The following LSAMP variants were observed in gnomAD, a reference collection of about 807,000 sequenced individuals.
The protein encoded by LSAMP is limbic system associated membrane protein, also known as limbic system-associated membrane protein.
LSAMP carries 7 observed loss-of-function variants against 38.6 expected under a neutral mutation model. The ratio of observed to expected loss-of-function variants is 0.18; its 90% confidence interval spans 0.10 to 0.34. The LOEUF is 0.34. LSAMP is among the 10% of genes least tolerant of loss of function. The pLI is 1.00. For synonymous variants in LSAMP, 154 were observed against 166.8 expected (o/e 0.92, Z 0.59); for missense variants, 313 against 420.0 (o/e 0.75, Z 2.23).
chr3:116,405,609 T>A (rs1273482505), intron 1 of LSAMP, among the ~76,000 whole-genome samples: 1 of 152,002 alleles, frequency 6.6e-6, no homozygotes, highest in Non-Finnish European at 1.5e-5. Context: ...TGAGCAGTGT[T>A]GTGATCAACA....
chr3:115,895,049 CA>C (rs1367749084), intron 3 of LSAMP, among the ~76,000 whole-genome samples: 1 of 151,586 alleles, frequency 6.6e-6, no homozygotes, highest in African/African-American at 2.4e-5. Context: ...GACAAACAAA[CA>C]AAAAAAAGAT....
intron 2 of LSAMP, among the ~76,000 whole-genome samples, chr3:116,022,642 T>G (rs2107691493): frequency 6.6e-6 from 1 of 152,318 alleles, no homozygotes; most frequent in South Asian, 2.1e-4. Flanking sequence ...TCAGATTCAC[T>G]CTTAAGCTTA....
At chr3:116,124,955 A>G (rs1708975002) in intron 1 of LSAMP, among the ~76,000 whole-genome samples, 1 of 152,204 alleles carries the variant, frequency 6.6e-6, no homozygotes, top group South Asian at 2.1e-4. Flanking sequence ...AAATCCGATA[A>G]CAGTGTTTGG....
chr3:116,398,732 G>A (rs2048802520), intron 1 of LSAMP, among the ~76,000 whole-genome samples: 1 of 152,130 alleles, frequency 6.6e-6, no homozygotes. Context: ...CAGTATAATT[G>A]GGCCATTCAT....
chr3:116,148,926 T>C (rs1327414746), intron 1 of LSAMP, among the ~76,000 whole-genome samples: 2 of 151,916 alleles, frequency 1.3e-5, no homozygotes, highest in East Asian at 3.9e-4. Flanking sequence ...ATAGAGAAAA[T>C]GGCACAGGCT....
chr3:115,935,555 T>C (rs1291793539), intron 3 of LSAMP, among the ~76,000 whole-genome samples: 2 of 152,220 alleles, frequency 1.3e-5, no homozygotes, highest in African/African-American at 4.8e-5. Flanking sequence ...TCTCATCCTG[T>C]TCTCTATTCT....
chr3:115,838,409 T>G (rs1223014005), intron 6 of LSAMP, among the ~76,000 whole-genome samples: 4 of 152,234 alleles, frequency 2.6e-5, no homozygotes, highest in Admixed American at 2.6e-4. Flanking sequence ...GTTATGTTAC[T>G]TATGCAGATG....
chr3:115,815,021 G>T (rs552859789), intron 6 of LSAMP, among the ~76,000 whole-genome samples: 1 of 152,140 alleles, frequency 6.6e-6, no homozygotes, highest in Non-Finnish European at 1.5e-5. Context: ...ATGAACTGGG[G>T]ATTAAAGCTC....
chr3:116,290,765 AATAATAAT>A lies in LSAMP; in HGVS notation c.155+154104_155+154111del, dbSNP rs765136368. Among the ~76,000 whole-genome samples the A allele has an allele frequency of 1.7e-3, 256 of 147,228 alleles. 2 individuals carry two copies. The highest frequency in any genetic ancestry group is 4.6e-3 in the Admixed American group (67 of 14,668). ...TAATAATAATAATAATAATAATAAT[AATAATAAT>A]AAAATAAACTTTCCTAGTTGATCTT... On this transcript the variant is annotated intron_variant, in intron 1 of 6. Coordinates refer to ENST00000490035, the MANE Select transcript of LSAMP (RefSeq NM_002338.5).
At chr3:116,122,871 A>G (rs1434705488) in intron 1 of LSAMP, among the ~76,000 whole-genome samples, 1 of 152,134 alleles carries the variant, frequency 6.6e-6, no homozygotes, top group Non-Finnish European at 1.5e-5. Flanking sequence ...GTCAAGAGCT[A>G]TGGTATCCAT....
chr3:116,225,607 T>G (rs1443554829), intron 1 of LSAMP, among the ~76,000 whole-genome samples: 1 of 152,190 alleles, frequency 6.6e-6, no homozygotes, highest in Non-Finnish European at 1.5e-5. Context: ...AAAAATATAC[T>G]TTGTTGACAT....
At chr3:116,264,251 T>TA (rs1414434364) in intron 1 of LSAMP, among the ~76,000 whole-genome samples, 1 of 152,200 alleles carries the variant, frequency 6.6e-6, no homozygotes, top group Admixed American at 6.5e-5. Context: ...GATAAAGAGA[T>TA]AAAAAAGCTC....
In LSAMP at chr3:115,963,770, T is replaced by C. The variant is rs1559899303; in HGVS notation, c.514+55745A>G. 5.3e-5 allele frequency among the ~76,000 whole-genome samples: 8 copies of C among 152,342 alleles called. No individual in the cohort carries two copies. In the South Asian group the frequency reaches 8.3e-4, roughly 16 times the overall value. On this transcript the variant is annotated intron_variant, in intron 3 of 6. Coordinates refer to ENST00000490035, the MANE Select transcript of LSAMP (RefSeq NM_002338.5). ...TTAATGTTGGTTTATTTATTTATTT[T>C]TGAGATGGGGTCTTGCTGTGTTGCC... is the stretch of plus-strand genomic sequence containing the variant.
chr3:115,974,243 T>C (rs1030516931), intron 3 of LSAMP, among the ~76,000 whole-genome samples: 2 of 151,592 alleles, frequency 1.3e-5, no homozygotes, highest in Non-Finnish European at 2.9e-5. Context: ...ACTCAGGAGA[T>C]TGAGGCAGAA....
chr3:115,957,523 C>A (rs1206902169), intron 3 of LSAMP, among the ~76,000 whole-genome samples: 1 of 152,074 alleles, frequency 6.6e-6, no homozygotes, highest in Non-Finnish European at 1.5e-5. Flanking sequence ...CCACATGATC[C>A]TCAAAGGGAC....
At chr3:115,856,155 C>T (rs1007653066) in intron 3 of LSAMP, among the ~76,000 whole-genome samples, 4 of 152,126 alleles carry the variant, frequency 2.6e-5, no homozygotes, top group African/African-American at 9.7e-5. Flanking sequence ...TTAGTCACTC[C>T]ATAAATGTTT....
intron 1 of LSAMP, among the ~76,000 whole-genome samples, chr3:116,342,912 T>G (rs1229458147): frequency 3.3e-5 from 5 of 152,096 alleles, no homozygotes; most frequent in African/African-American, 1.2e-4. Context: ...TTTTCATGAT[T>G]CAAGAGTAAA....
At chr3:115,833,757 GT>G (rs1014022317) in intron 6 of LSAMP, among the ~76,000 whole-genome samples, 7 of 136,444 alleles carry the variant, frequency 5.1e-5, no homozygotes, top group African/African-American at 2.1e-4. Flanking sequence ...CCTAGTTTCC[GT>G]TTTTTTCTCA....
At chr3:116,180,760 A>G (rs1274351098) in intron 1 of LSAMP, among the ~76,000 whole-genome samples, 1 of 152,168 alleles carries the variant, frequency 6.6e-6, no homozygotes, top group Admixed American at 6.6e-5. Context: ...AAATATAGCC[A>G]TTATGATGGC....
Sources: allele counts gnomAD v4.1 joint callset (sites outside exome capture counted in the v4.1 genomes callset), GRCh38; gene constraint gnomAD v4.1.1; transcripts MANE v1.5; gene names NCBI Gene and HGNC (gene_info 2026-07-23, HGNC 2026-07-21).